The following PALM2AKAP2 variants were observed in gnomAD, a reference collection of about 807,000 sequenced individuals.
PALM2AKAP2 encodes PALM2 and AKAP2 fusion.
In PALM2AKAP2, 37 loss-of-function variants were observed where a neutral mutation model predicts 71.5. The observed-to-expected ratio is 0.52, with a 90% CI of 0.40 to 0.68. The LOEUF is 0.68. PALM2AKAP2 is among the 30% of genes least tolerant of loss of function. The pLI is 0.00. For missense variants in PALM2AKAP2, 1,224 were observed against 1,191.8 expected, an observed-to-expected ratio of 1.03 and a Z score of -0.40; for synonymous variants, 468 against 478.8, an observed-to-expected ratio of 0.98 and a Z score of 0.29.
At chr9:110,092,458 A>G (rs1834736023) in intron 1 of PALM2AKAP2, among the ~76,000 whole-genome samples, 1 of 152,238 alleles carries the variant, frequency 6.6e-6, no homozygotes, top group African/African-American at 2.4e-5. Context: ...AATGTATTAT[A>G]TGCTTTTTTA....
At chr9:110,017,060 T>C (rs1302336214) in intron 7 of PALM2AKAP2, among the ~76,000 whole-genome samples, 2 of 152,162 alleles carry the variant, frequency 1.3e-5, no homozygotes, top group Non-Finnish European at 2.9e-5. Flanking sequence ...TTTGTATTTT[T>C]AGTAGAGACG....
At chr9:110,145,101 C>G (rs553471570) in intron 2 of PALM2AKAP2, among the ~76,000 whole-genome samples, 1 of 152,142 alleles carries the variant, frequency 6.6e-6, no homozygotes, top group Non-Finnish European at 1.5e-5. Context: ...CTGCATTTTC[C>G]TGGGTCCTTC....
intron 1 of PALM2AKAP2, among the ~76,000 whole-genome samples, chr9:109,865,958 C>T (rs1829438154): frequency 1.3e-5 from 2 of 152,188 alleles, no homozygotes; most frequent in Non-Finnish European, 2.9e-5. Flanking sequence ...GTCTTGCACA[C>T]ACTCTGGGAT....
chr9:109,718,358 T>C (rs1828358980), intron 1 of PALM2AKAP2, among the ~76,000 whole-genome samples: 1 of 152,120 alleles, frequency 6.6e-6, no homozygotes. Flanking sequence ...GGGATTACCA[T>C]GCCCGGCCCC....
upstream of PALM2AKAP2, among the ~76,000 whole-genome samples, chr9:110,044,939 T>A (rs1228565555): frequency 6.6e-6 from 1 of 152,186 alleles, no homozygotes; most frequent in East Asian, 1.9e-4. Context: ...CTGGATTTAG[T>A]TCATTTTGCT....
At chr9:109,859,808 T>C (rs1483559823) in intron 1 of PALM2AKAP2, among the ~76,000 whole-genome samples, 1 of 152,262 alleles carries the variant, frequency 6.6e-6, no homozygotes, top group South Asian at 2.1e-4. Context: ...AAACCTACCT[T>C]ACTTGTTCTT....
chr9:109,868,250 GC>G (rs908142438), intron 2 of PALM2AKAP2, among the ~76,000 whole-genome samples: 2 of 152,248 alleles, frequency 1.3e-5, no homozygotes. Context: ...ATGCACTTAA[GC>G]ATCGTAATTG....
intron 3 of PALM2AKAP2, 138 bp downstream of exon 9, chr9:110,156,635 G>A (rs566484910): frequency 8.0e-7 from 1 of 1,243,372 alleles, no homozygotes; most frequent in Admixed American, 3.8e-5. Context: ...TCATATATGT[G>A]GTTTCACATG....
At chr9:110,138,483 C>G (rs1835950345) in exon 2 of PALM2AKAP2, 1 of 1,613,824 alleles carries the variant, frequency 6.2e-7, no homozygotes, top group Non-Finnish European at 8.5e-7. Context: ...ACGCAGAGCC[C>G]CAGGACAAAG....
intron 1 of PALM2AKAP2, among the ~76,000 whole-genome samples, chr9:110,052,505 T>C (rs999771896): frequency 5.3e-5 from 8 of 152,238 alleles, no homozygotes; most frequent in African/African-American, 1.9e-4. Context: ...ATAGGAAAGT[T>C]AAAACCATCT....
Position 110,118,089 on chromosome 9 carries a change from A to G in PALM2AKAP2, c.157-18038A>G, listed in dbSNP as rs1835406213. Among the ~76,000 whole-genome samples the G allele has an allele frequency of 2.7e-5, 4 of 150,890 alleles. No individual in the cohort carries two copies. The Admixed American group carries it at 2.7e-4, about 10-fold the overall frequency. ...AATGATCTATATTCAAGGATCTCCA[A>G]TGCCACAATGTTTGCAACAATAAAA... On this transcript the variant is annotated intron_variant, in intron 1 of 3. Coordinates refer to ENST00000374525, the Ensembl canonical transcript of PALM2AKAP2.
At chr9:110,038,969 C>T (rs983509715) in intron 7 of PALM2AKAP2, among the ~76,000 whole-genome samples, 61 of 132,466 alleles carry the variant, frequency 4.6e-4, no homozygotes, top group Non-Finnish European at 7.7e-4. Context: ...TCCTAGAAAA[C>T]ACTAATAACG....
chr9:109,736,935 A>G (rs1367907264), intron 1 of PALM2AKAP2, among the ~76,000 whole-genome samples: 1 of 152,222 alleles, frequency 6.6e-6, no homozygotes, highest in Non-Finnish European at 1.5e-5. Flanking sequence ...AAGGAACTGA[A>G]TCACTACCAC....
chr9:109,714,514 A>G (rs567180865), intron 1 of PALM2AKAP2, among the ~76,000 whole-genome samples: 1 of 152,194 alleles, frequency 6.6e-6, no homozygotes, highest in Non-Finnish European at 1.5e-5. Context: ...TCTTTGCTTG[A>G]GAATTTGCAA....
intron 3 of PALM2AKAP2, among the ~76,000 whole-genome samples, chr9:109,909,683 A>G (rs187721662): frequency 2.0e-5 from 3 of 152,362 alleles, no homozygotes; most frequent in African/African-American, 7.2e-5. Context: ...GCAGCAAAGA[A>G]GAAGAGCACC....
intron 7 of PALM2AKAP2, among the ~76,000 whole-genome samples, chr9:110,042,157 T>C (rs1042827690): frequency 5.3e-5 from 8 of 152,170 alleles, no homozygotes; most frequent in Non-Finnish European, 1.2e-4. Flanking sequence ...CCGGATGCGG[T>C]GGCTCAGGCC....
intron 6 of PALM2AKAP2, among the ~76,000 whole-genome samples, chr9:109,985,793 G>A (rs1832365704): frequency 6.6e-6 from 1 of 151,870 alleles, no homozygotes; most frequent in Non-Finnish European, 1.5e-5. Context: ...GGGATTACAG[G>A]CATGCACCAC....
intron 1 of PALM2AKAP2, among the ~76,000 whole-genome samples, chr9:109,837,792 A>G (rs1377585664): frequency 6.6e-6 from 1 of 152,236 alleles, no homozygotes; most frequent in Non-Finnish European, 1.5e-5. Flanking sequence ...AGGCCATTAC[A>G]TAATGGTAAA....
At chr9:109,919,149 G>A (rs928577695) in intron 3 of PALM2AKAP2, among the ~76,000 whole-genome samples, 3 of 152,210 alleles carry the variant, frequency 2.0e-5, no homozygotes, top group African/African-American at 7.2e-5. Context: ...GTTTGTTTTA[G>A]AATCCCCTGT....
Sources: gnomAD v4.1 joint callset for allele counts (sites outside exome capture counted in the v4.1 genomes callset) on GRCh38, gnomAD v4.1.1 for gene constraint, MANE v1.5 for transcripts, NCBI Gene and HGNC (gene_info 2026-07-23, HGNC 2026-07-21) for gene names.